Variants in AGBL1 observed in about 807,000 individuals in gnomAD.
The protein encoded by AGBL1 is AGBL carboxypeptidase 1.
Under a neutral mutation model 118.9 loss-of-function variants are expected in AGBL1, and 130 were observed. The ratio of observed to expected loss-of-function variants is 1.09; its 90% CI spans 0.95 to 1.26. The LOEUF is 1.26. Ranked by LOEUF, AGBL1 falls within the 50% of genes most tolerant of loss-of-function variation. AGBL1 has a pLI of 0.00. For missense variants in AGBL1, 1,584 were observed against 1,298.1 expected, an observed-to-expected ratio of 1.22 and a Z score of -3.38; for synonymous variants, 555 against 478.9, an observed-to-expected ratio of 1.16 and a Z score of -2.08.
chr15:86,281,531 A>G (rs1391453371), intron 16 of AGBL1, among the ~76,000 whole-genome samples: 2 of 152,186 alleles, frequency 1.3e-5, no homozygotes, highest in African/African-American at 2.4e-5. Flanking sequence ...TTGTTAGAAT[A>G]TCTTGGACTC....
At chr15:86,242,144 A>G (rs1184983419) in intron 6 of AGBL1, among the ~76,000 whole-genome samples, 2 of 152,294 alleles carry the variant, frequency 1.3e-5, no homozygotes, top group Non-Finnish European at 1.5e-5. Flanking sequence ...CAGCCTCACA[A>G]TTCACAGTGG....
intron 7 of AGBL1, among the ~76,000 whole-genome samples, chr15:86,255,683 G>A (rs945298704): frequency 6.6e-6 from 1 of 152,108 alleles, no homozygotes; most frequent in Non-Finnish European, 1.5e-5. Context: ...TCAGGAGGCT[G>A]AGGCAGGATA....
chr15:86,249,965 T>A (rs1170698157), intron 7 of AGBL1, among the ~76,000 whole-genome samples: 1 of 152,182 alleles, frequency 6.6e-6, no homozygotes, highest in Non-Finnish European at 1.5e-5. Flanking sequence ...AGCAAGAAGC[T>A]TCCAGCCTTG....
chr15:86,152,461 T>G (rs1361865542), intron 3 of AGBL1, among the ~76,000 whole-genome samples: 1 of 152,192 alleles, frequency 6.6e-6, no homozygotes, highest in African/African-American at 2.4e-5. Flanking sequence ...TGGCCAGCGA[T>G]ATGTAGAAAG....
intron 22 of AGBL1, among the ~76,000 whole-genome samples, chr15:86,746,525 C>A (rs1030456874): frequency 2.0e-5 from 3 of 152,002 alleles, no homozygotes; most frequent in Non-Finnish European, 2.9e-5. Flanking sequence ...ATTCCCTGAT[C>A]GTGCACATCA....
intron 1 of AGBL1, among the ~76,000 whole-genome samples, chr15:86,130,321 T>C (rs989229305): frequency 1.3e-5 from 2 of 152,156 alleles, no homozygotes; most frequent in African/African-American, 4.8e-5. Flanking sequence ...TTCTTTTTTT[T>C]TAAATTTTAT....
intron 22 of AGBL1, among the ~76,000 whole-genome samples, chr15:86,760,218 CAG>C (rs1434933755): frequency 1.3e-5 from 2 of 151,988 alleles, no homozygotes; most frequent in African/African-American, 2.4e-5. Context: ...AAATGAGAAG[CAG>C]GGGCAGACTA....
intron 22 of AGBL1, among the ~76,000 whole-genome samples, chr15:86,779,384 C>T (rs1369652488): frequency 6.6e-6 from 1 of 152,074 alleles, no homozygotes; most frequent in African/African-American, 2.4e-5. Context: ...TTAAAGAGGC[C>T]CACATGCACT....
At chr15:87,029,771 T>C (rs1378105864), downstream of AGBL1, among the ~76,000 whole-genome samples, 1 of 151,826 alleles carries the variant, frequency 6.6e-6, no homozygotes, top group African/African-American at 2.4e-5. Context: ...TCACAACAGC[T>C]AATAAATGGA....
chr15:86,670,066 A>G (rs1246193981), intron 21 of AGBL1, among the ~76,000 whole-genome samples: 1 of 152,058 alleles, frequency 6.6e-6, no homozygotes, highest in Admixed American at 6.6e-5. Flanking sequence ...CGCCTATTAG[A>G]CACTTATGGT....
chr15:87,010,556 C>T (rs1392488261), intron 24 of AGBL1, among the ~76,000 whole-genome samples: 1 of 152,200 alleles, frequency 6.6e-6, no homozygotes, highest in Non-Finnish European at 1.5e-5. Context: ...TCTTCTTCTC[C>T]TGCCCTTGGA....
intron 17 of AGBL1, among the ~76,000 whole-genome samples, chr15:86,395,882 C>T (rs906997304): frequency 7.3e-5 from 11 of 151,642 alleles, no homozygotes; most frequent in African/African-American, 2.2e-4. Flanking sequence ...GCTCTGTTAT[C>T]AAAAGATATT....
At chr15:86,079,626 G>A (rs904687462), upstream of AGBL1, 1 of 194,142 alleles carries the variant, frequency 5.2e-6, no homozygotes, top group Non-Finnish European at 1.0e-5. Flanking sequence ...GGTCAGCTGG[G>A]AATGCCTGTC....
At chr15:86,481,550 G>A in intron 18 of AGBL1, among the ~76,000 whole-genome samples, 1 of 151,976 alleles carries the variant, frequency 6.6e-6, no homozygotes, top group East Asian at 1.9e-4. Flanking sequence ...TCCAAATTGT[G>A]GTGCTTATGT....
chr15:86,210,990 G>C (rs1027205120), intron 5 of AGBL1, among the ~76,000 whole-genome samples: 1 of 152,204 alleles, frequency 6.6e-6, no homozygotes, highest in Non-Finnish European at 1.5e-5. Flanking sequence ...GTGACCTACA[G>C]ATAGGGTTTT....
chr15:86,352,013 C>T (rs2080634953), intron 17 of AGBL1, among the ~76,000 whole-genome samples: 1 of 152,148 alleles, frequency 6.6e-6, no homozygotes, highest in Non-Finnish European at 1.5e-5. Context: ...AGAAGTGCTG[C>T]CCAATGCCTG....
chr15:86,730,579 AC>A (rs1225274696), intron 22 of AGBL1, among the ~76,000 whole-genome samples: 11 of 151,974 alleles, frequency 7.2e-5, no homozygotes, highest in African/African-American at 2.7e-4. Context: ...TAGTGTTTCC[AC>A]AGTTAAGTGC....
chr15:86,465,247 C>T (rs58914103), intron 18 of AGBL1, among the ~76,000 whole-genome samples: 25,339 of 152,016 alleles, frequency 0.17, 2,608 homozygotes, highest in African/African-American at 0.28. Flanking sequence ...ATCACTTCCC[C>T]AATCAATACT....
chr15:86,917,879 T>C (rs189611311), downstream of AGBL1, among the ~76,000 whole-genome samples: 413 of 152,084 alleles, frequency 2.7e-3, 6 homozygotes, highest in Middle Eastern at 0.014. This position sits in a 1 kb window ranked among gnomAD's most constrained non-coding sequence, Gnocchi z 4.8. Flanking sequence ...AAAAGTGATG[T>C]CCAGGATTGA....
Sources: allele counts gnomAD v4.1 joint callset (sites outside exome capture counted in the v4.1 genomes callset), GRCh38; gene constraint gnomAD v4.1.1; non-coding constraint Gnocchi (gnomAD v3.1); transcripts MANE v1.5; gene names NCBI Gene and HGNC (gene_info 2026-07-23, HGNC 2026-07-21).